Variants in FOXP1 observed in about 807,000 individuals in gnomAD.
The protein encoded by FOXP1 is forkhead box protein P1.
A neutral mutation model predicts 98.2 loss-of-function variants in FOXP1; 15 were observed. The observed-to-expected ratio is 0.15, with a 90% CI of 0.10 to 0.24. FOXP1 has a LOEUF of 0.24. Ranked by LOEUF, FOXP1 falls within the 10% of genes least tolerant of loss-of-function variation. FOXP1 has a pLI of 1.00. For synonymous variants in FOXP1, 371 were observed against 314.5 expected, an observed-to-expected ratio of 1.18 and a Z score of -1.90; for missense variants, 633 against 848.5, an observed-to-expected ratio of 0.75 and a Z score of 3.15.
chr3:71,217,147 A>C (rs2065004484), intron 5 of FOXP1, among the ~76,000 whole-genome samples: 1 of 152,170 alleles, frequency 6.6e-6, no homozygotes, highest in Admixed American at 6.5e-5. Flanking sequence ...ACCTCGGCTC[A>C]CTGCAACCTC....
intron 5 of FOXP1, among the ~76,000 whole-genome samples, chr3:71,243,239 G>C (rs770014698): frequency 2.0e-5 from 3 of 152,122 alleles, no homozygotes; most frequent in Non-Finnish European, 4.4e-5. Flanking sequence ...AGCATAATTA[G>C]CAGCTTTCTA....
At chr3:71,211,969 A>C (rs890790608) in intron 5 of FOXP1, among the ~76,000 whole-genome samples, 3 of 152,212 alleles carry the variant, frequency 2.0e-5, no homozygotes, top group East Asian at 3.8e-4. Flanking sequence ...GTAGGTGAGA[A>C]AGACTTTTAT....
At chr3:71,248,096 C>T (rs1377392090) in intron 5 of FOXP1, among the ~76,000 whole-genome samples, 1 of 152,196 alleles carries the variant, frequency 6.6e-6, no homozygotes, top group Non-Finnish European at 1.5e-5. Flanking sequence ...TTGTCAATTA[C>T]ACAAGCCAAT....
chr3:71,276,339 G>A (rs2070888234), intron 5 of FOXP1: 2 of 152,068 alleles, frequency 1.3e-5, no homozygotes, highest in Non-Finnish European at 2.9e-5. Flanking sequence ...TATAATATAG[G>A]AATTTCTGGC....
In FOXP1 at chr3:71,169,975, A is replaced by T. The variant is rs547030463; in HGVS notation, c.180+28227T>A. On this transcript the variant is annotated intron_variant, in intron 6 of 20. Transcript: ENST00000649528. ...AAGTTTCATGCCAATTAGCATTGAA[A>T]AAAGAAAAGATAATCACGAGATAGG... Among the ~76,000 whole-genome samples the T allele has an allele frequency of 7.2e-5, 11 of 152,316 alleles. No individual in the cohort carries two copies. In the South Asian group the frequency reaches 8.3e-4, roughly 11 times the overall value.
intron 5 of FOXP1, among the ~76,000 whole-genome samples, chr3:71,224,400 G>A (rs919699160): frequency 1.3e-5 from 2 of 152,178 alleles, no homozygotes; most frequent in Non-Finnish European, 2.9e-5. Context: ...AAGGGATAAG[G>A]GAGGGAGAGA....
At chr3:71,343,945 GT>G (rs2077168073) in intron 4 of FOXP1, among the ~76,000 whole-genome samples, 1 of 152,178 alleles carries the variant, frequency 6.6e-6, no homozygotes, top group African/African-American at 2.4e-5. Flanking sequence ...TAAGAGCCGG[GT>G]TTTTTCATTG....
chr3:71,202,434 C>G (rs1481597846), intron 5 of FOXP1, among the ~76,000 whole-genome samples: 1 of 152,146 alleles, frequency 6.6e-6, no homozygotes, highest in Non-Finnish European at 1.5e-5. Flanking sequence ...TCTGGGCCAG[C>G]AATATTTCTA....
chr3:71,318,457 T>A (rs568001339), intron 4 of FOXP1, among the ~76,000 whole-genome samples: 12 of 152,326 alleles, frequency 7.9e-5, no homozygotes, highest in Non-Finnish European at 8.8e-5. Flanking sequence ...TACATAATTT[T>A]AAAAATATTT....
intron 7 of FOXP1, among the ~76,000 whole-genome samples, chr3:71,100,288 T>C (rs2056839501): frequency 6.6e-6 from 1 of 152,246 alleles, no homozygotes; most frequent in African/African-American, 2.4e-5. Context: ...TGTGTAATTC[T>C]ATGTGGTTCA....
chr3:71,070,941 A>G (rs1018189341), intron 7 of FOXP1, among the ~76,000 whole-genome samples: 3 of 152,190 alleles, frequency 2.0e-5, no homozygotes, highest in Non-Finnish European at 2.9e-5. Context: ...AGCCGACAAT[A>G]AATCTTACAC....
At chr3:70,981,300 G>A (rs898273088) in intron 14 of FOXP1, among the ~76,000 whole-genome samples, 6 of 148,538 alleles carry the variant, frequency 4.0e-5, no homozygotes, top group Non-Finnish European at 7.4e-5. Flanking sequence ...GGAGGCTTTT[G>A]AACATTAGCA....
intron 7 of FOXP1, among the ~76,000 whole-genome samples, chr3:71,108,388 T>C (rs946909814): frequency 2.6e-5 from 4 of 152,212 alleles, no homozygotes; most frequent in Admixed American, 6.5e-5. Context: ...AAGTTACGCA[T>C]TTTCGAGGTT....
chr3:71,425,855 T>G (rs60425923), intron 3 of FOXP1, among the ~76,000 whole-genome samples: 4 of 152,208 alleles, frequency 2.6e-5, no homozygotes, highest in Admixed American at 2.0e-4. Flanking sequence ...GGCCATTAAA[T>G]TGAGCTTATT....
chr3:71,189,136 G>A, intron 6 of FOXP1, among the ~76,000 whole-genome samples: 1 of 152,276 alleles, frequency 6.6e-6, no homozygotes, highest in South Asian at 2.1e-4. Context: ...TCTTCCAATA[G>A]CACCAGCTGT....
At chr3:71,498,662 T>C (rs1389450281) in intron 2 of FOXP1, among the ~76,000 whole-genome samples, 2 of 152,124 alleles carry the variant, frequency 1.3e-5, no homozygotes, top group Non-Finnish European at 2.9e-5. Context: ...TCACGGGCAT[T>C]TCTGAGCATG....
chr3:71,047,481 G>C (rs1193766862), intron 9 of FOXP1, among the ~76,000 whole-genome samples: 1 of 152,158 alleles, frequency 6.6e-6, no homozygotes, highest in South Asian at 2.1e-4. Context: ...AGGTGTAAAA[G>C]AACAAGTTGC....
chr3:71,158,728 A>C (rs955198964), intron 6 of FOXP1, among the ~76,000 whole-genome samples: 2 of 12,602 alleles, frequency 1.6e-4, no homozygotes. Flanking sequence ...CCCACAGACC[A>C]AAAAAAAAAA....
In FOXP1 at chr3:71,578,131, A is replaced by T. The variant is rs1006085090; in HGVS notation, c.-298+3418T>A. Among the ~76,000 whole-genome samples, 4 of 152,198 alleles carry T rather than the reference A, an allele frequency of 2.6e-5. No homozygotes were observed. The East Asian group carries it at 7.7e-4, about 29-fold the overall frequency. ...TGTGTAAATCTAGCCATGCTCTGGA[A>T]ACCCTTTCTCGGTCGTGGAGAAGAA... On this transcript the variant is annotated intron_variant, in intron 2 of 20. Transcript: ENST00000649528.
Sources: allele counts gnomAD v4.1 joint callset (sites outside exome capture counted in the v4.1 genomes callset), GRCh38; gene constraint gnomAD v4.1.1; transcripts MANE v1.5; gene names NCBI Gene and HGNC (gene_info 2026-07-23, HGNC 2026-07-21).